SOD2: variants seen among roughly 807,000 people sequenced by gnomAD.
The protein encoded by SOD2 is superoxide dismutase 2.
Under a neutral mutation model 27.0 loss-of-function variants are expected in SOD2, and 11 were observed. The observed-to-expected ratio is 0.41, with a 90% CI of 0.26 to 0.67. SOD2 has a LOEUF of 0.67. Among genes scored for constraint, SOD2 ranks in the 30% least tolerant of loss-of-function variants. SOD2 has a pLI of 0.34. For missense variants in SOD2, 250 were observed against 274.5 expected (o/e 0.91, Z 0.63); for synonymous variants, 105 against 103.0 (o/e 1.02, Z -0.12).
chr6:159,751,710 T>C (rs1023710982), intron 1 of SOD2, among the ~76,000 whole-genome samples: 11 of 152,230 alleles, frequency 7.2e-5, no homozygotes, highest in Non-Finnish European at 2.9e-5. Context: ...GGTTGAACTC[T>C]TCAGGTATTT....
intron 1 of SOD2, chr6:159,726,913 T>C: frequency 4.7e-6 from 6 of 1,288,858 alleles, no homozygotes; most frequent in South Asian, 1.2e-5. Context: ...TCTCTTGAGG[T>C]GGCACCTGGT....
intron 1 of SOD2, among the ~76,000 whole-genome samples, chr6:159,759,060 T>C (rs1195051718): frequency 2.0e-5 from 3 of 150,180 alleles, no homozygotes; most frequent in African/African-American, 4.9e-5. Context: ...TTTTATTTTA[T>C]TTCTTTTTTT....
Position 159,676,184 on chromosome 6 carries a change from T to G in SOD2, c.*6309A>C, listed in dbSNP as rs925462374. ...CTAGTTCAACCATTGTGGAAGACAG[T>G]GTGGCGATTCCTCAGGGATCTAGAA... On this transcript the variant is annotated 3_prime_UTR_variant, in exon 5 of 5. Coordinates refer to ENST00000538183, the MANE Select transcript of SOD2 (RefSeq NM_000636.4). 4 of 152,204 alleles carry G rather than the reference T, an allele frequency of 2.6e-5. No homozygotes were observed. Among genetic ancestry groups the G allele is most frequent in the African/African-American group, 9.7e-5 (4 of 41,450 alleles). The allele number at this position is 152,204 out of a possible 1,614,324, so 9.4% of individuals were successfully genotyped here. A position where few individuals can be genotyped will look rare whatever the true frequency, so the allele number is the denominator to read the frequency against.
At chr6:159,684,042 A>G (rs1283325985) in intron 4 of SOD2, among the ~76,000 whole-genome samples, 1 of 152,164 alleles carries the variant, frequency 6.6e-6, no homozygotes, top group East Asian at 1.9e-4. Flanking sequence ...ATTAGGCTCA[A>G]CAGCAAAGTA....
chr6:159,695,239 C>G (rs146376311), upstream of SOD2, among the ~76,000 whole-genome samples: 651 of 152,224 alleles, frequency 4.3e-3, 8 homozygotes, highest in Middle Eastern at 0.014. Flanking sequence ...TATTGGGAGG[C>G]TGAGCTCAGG....
At position 159,682,367 on chromosome 6, in the gene SOD2, T is replaced by C. The variant is rs911182244; in HGVS notation, c.*126A>G. 2.4e-5 allele frequency: 17 copies of C among 698,896 alleles called. No individual in the cohort carries two copies. The highest frequency in any genetic ancestry group is 1.7e-4 in the African/African-American group (9 of 54,098). 43.3% of individuals were successfully genotyped at this position (698,896 alleles called of 1,614,324 possible). A position where few individuals can be genotyped will look rare whatever the true frequency, so the allele number is the denominator to read the frequency against. On this transcript the variant is annotated 3_prime_UTR_variant, in exon 5 of 5. Transcript: ENST00000538183. Reference sequence around the variant, plus strand: ...ATTATTCAGAACATTAAGTTGTTTATGAAATAAGTGACTAAGCAACATCAA... The same window carrying C: ...ATTATTCAGAACATTAAGTTGTTTACGAAATAAGTGACTAAGCAACATCAA...
At chr6:159,684,439 A>G (rs1437443361) in intron 4 of SOD2, among the ~76,000 whole-genome samples, 6 of 151,814 alleles carry the variant, frequency 4.0e-5, no homozygotes, top group Admixed American at 1.3e-4. Context: ...CAACATGGTG[A>G]AACCCTGTCT....
At chr6:159,736,413 C>G (rs1424144029) in intron 1 of SOD2, 1 of 828,356 alleles carries the variant, frequency 1.2e-6, no homozygotes, top group African/African-American at 1.7e-5. Context: ...TTTTTCATTT[C>G]TTTGCCTTTA....
upstream of SOD2, chr6:159,748,864 G>T (rs1401704761): frequency 8.3e-7 from 1 of 1,209,208 alleles, no homozygotes; most frequent in Non-Finnish European, 1.0e-6. The surrounding 1 kb of genome is among the most constrained non-coding windows in gnomAD (Gnocchi z 5.6). Context: ...GAGACACTGT[G>T]TATCAGTTTT....
exon 1 of SOD2, chr6:159,761,897 C>A (rs1467470251): frequency 7.9e-6 from 3 of 381,292 alleles, no homozygotes; most frequent in Non-Finnish European, 8.7e-6. Context: ...GCGCCCCGCG[C>A]GCCTCCGCCC....
At chr6:159,702,974 C>T (rs903182389) in intron 1 of SOD2, among the ~76,000 whole-genome samples, 1 of 151,584 alleles carries the variant, frequency 6.6e-6, no homozygotes, top group African/African-American at 2.4e-5. Context: ...GCTCTGATTG[C>T]ACCACTGCAC....
At chr6:159,699,386 T>C in intron 1 of SOD2, among the ~76,000 whole-genome samples, 1 of 152,100 alleles carries the variant, frequency 6.6e-6, no homozygotes, top group East Asian at 1.9e-4. Context: ...CTTCCCAACC[T>C]AGTCTAGTGA....
At position 159,674,827 on chromosome 6, in the gene SOD2, T is replaced by A. The variant is rs1167357687; in HGVS notation, c.*7666A>T. ...AAATTGTCCCTGTTTGCAGATGACATGATTTTATATTTAGAAAACCCCATC... is the reference window on the plus strand; with the variant it reads ...AAATTGTCCCTGTTTGCAGATGACAAGATTTTATATTTAGAAAACCCCATC... On this transcript the variant is annotated 3_prime_UTR_variant, in exon 5 of 5. Coordinates refer to ENST00000538183, the MANE Select transcript of SOD2 (RefSeq NM_000636.4). The A allele has an allele frequency of 6.6e-6, 1 of 152,244 alleles. No individual in the cohort carries two copies. The highest frequency in any genetic ancestry group is 6.5e-5 in the Admixed American group (1 of 15,284). 9.4% of individuals were successfully genotyped at this position (152,244 alleles called of 1,614,324 possible).
rs1164597310 is a variant in SOD2, at chr6:159,674,140, G to A, written c.*8353C>T. 2 of 152,206 alleles carry A rather than the reference G, an allele frequency of 1.3e-5. No individual in the cohort carries two copies. The highest frequency in any genetic ancestry group is 4.8e-5 in the African/African-American group (2 of 41,434). 9.4% of individuals were successfully genotyped at this position (152,206 alleles called of 1,614,324 possible). On this transcript the variant is annotated 3_prime_UTR_variant, in exon 5 of 5. Coordinates refer to ENST00000538183, the MANE Select transcript of SOD2 (RefSeq NM_000636.4). ...ACCAAAAAAAGTCCAGGACAAGATG[G>A]ATTCACAGCCGAATTCTACCAGAGG...
chr6:159,711,299 T>A (rs371437510), intron 1 of SOD2, among the ~76,000 whole-genome samples: 141 of 19,152 alleles, frequency 7.4e-3, no homozygotes, highest in African/African-American at 0.012. Context: ...TGCTCTGACC[T>A]CCATAACCAC....
chr6:159,691,484 C>T (rs1277682239), intron 2 of SOD2: 1 of 152,086 alleles, frequency 6.6e-6, no homozygotes, highest in Non-Finnish European at 1.5e-5. Flanking sequence ...ATTTCATAAC[C>T]CCGAAATTCA....
upstream of SOD2, among the ~76,000 whole-genome samples, chr6:159,747,020 A>G (rs899393377): frequency 6.6e-6 from 1 of 152,190 alleles, no homozygotes. Flanking sequence ...CACATTGACT[A>G]TGCAGTTGTA....
chr6:159,736,446 G>A (rs759437628), intron 1 of SOD2: 1 of 631,280 alleles, frequency 1.6e-6, no homozygotes. Flanking sequence ...CATTGGAGTT[G>A]TACAGTGTGC....
chr6:159,684,830 G>A, intron 4 of SOD2, 24 bp downstream of exon 4: 3 of 1,584,144 alleles, frequency 1.9e-6, no homozygotes, highest in South Asian at 2.3e-5. Context: ...TCTCCCAAAT[G>A]AAATCACAAT....
Sources: gnomAD v4.1 joint callset for allele counts (sites outside exome capture counted in the v4.1 genomes callset) on GRCh38, gnomAD v4.1.1 for gene constraint, Gnocchi (gnomAD v3.1) non-coding constraint, MANE v1.5 for transcripts, NCBI Gene and HGNC (gene_info 2026-07-23, HGNC 2026-07-21) for gene names.